FLT1: variants seen among roughly 807,000 people sequenced by gnomAD.
FLT1 encodes the protein fms related receptor tyrosine kinase 1, also known as vascular endothelial growth factor receptor 1.
In FLT1, 49 loss-of-function variants were observed where a neutral mutation model predicts 156.3. The observed-to-expected ratio is 0.31, with a 90% CI of 0.25 to 0.40. The LOEUF (loss-of-function observed/expected upper bound fraction) is 0.40. FLT1 is among the 10% of genes least tolerant of loss of function. FLT1 has a pLI of 1.00. For missense variants in FLT1, 1,322 were observed against 1,637.2 expected (o/e 0.81, Z 3.32); for synonymous variants, 594 against 583.8 (o/e 1.02, Z -0.25).
chr13:28,418,643 A>T (rs1876802112), intron 10 of FLT1, among the ~76,000 whole-genome samples: 1 of 152,180 alleles, frequency 6.6e-6, no homozygotes, highest in Non-Finnish European at 1.5e-5. Flanking sequence ...TGACGACTGC[A>T]GCCTCAACCT....
At chr13:28,438,397 G>A in intron 3 of FLT1, 52 bp from the exon 4 acceptor site, 2 of 1,419,162 alleles carry the variant, frequency 1.4e-6, no homozygotes, top group South Asian at 2.3e-5. Flanking sequence ...TGACATGCAA[G>A]CATCTAGACA....
chr13:28,458,448 G>C (rs1879390433), intron 3 of FLT1, among the ~76,000 whole-genome samples: 1 of 152,188 alleles, frequency 6.6e-6, no homozygotes, highest in Non-Finnish European at 1.5e-5. Context: ...ATTTTAGAGA[G>C]CCCCAGAAAT....
intron 13 of FLT1, chr13:28,387,739 C>T: frequency 9.5e-7 from 1 of 1,049,754 alleles, no homozygotes; most frequent in Non-Finnish European, 1.1e-6. Context: ...TCTTCACCTC[C>T]CTTCATACCC....
chr13:28,479,202 T>C (rs376374465), intron 1 of FLT1, among the ~76,000 whole-genome samples: 2 of 152,268 alleles, frequency 1.3e-5, no homozygotes, highest in East Asian at 3.9e-4. Flanking sequence ...GAGTGTGCAA[T>C]AAAGTTATCC....
Position 28,329,789 on chromosome 13 carries a change from C to T in FLT1, c.2594-61G>A, listed in dbSNP as rs61764364. On this transcript the variant is annotated intron_variant, in intron 18 of 29. Coordinates refer to ENST00000282397, the MANE Select transcript of FLT1 (RefSeq NM_002019.4). ...ACAATGGGGCTCCTTCCGCCGGAGG[C>T]GGCATTCTTGCCCTCCTTGTTTGTC... 8,896 of 1,389,390 alleles carry T rather than the reference C, an allele frequency of 6.4e-3. 41 individuals are homozygous for T. Among genetic ancestry groups the T allele is most frequent in the Non-Finnish European group, 7.9e-3 (7,771 of 987,998 alleles). The allele number at this position is 1,389,390 out of a possible 1,614,324, so 86.1% of individuals were successfully genotyped here.
At chr13:28,474,505 C>CACACACACACAGACACACAG (rs1555245752) in intron 1 of FLT1, among the ~76,000 whole-genome samples, 4 of 150,918 alleles carry the variant, frequency 2.7e-5, no homozygotes, top group Admixed American at 1.3e-4. Flanking sequence ...CACACACACA[C>CACACACACACAGACACACAG]ACACACACAC....
chr13:28,456,035 G>C (rs1302675157), intron 3 of FLT1, among the ~76,000 whole-genome samples: 1 of 152,200 alleles, frequency 6.6e-6, no homozygotes, highest in Non-Finnish European at 1.5e-5. Flanking sequence ...TGCAACACGA[G>C]ACAGCCACTT....
At chr13:28,410,778 T>C (rs1419836334) in intron 10 of FLT1, among the ~76,000 whole-genome samples, 1 of 152,236 alleles carries the variant, frequency 6.6e-6, no homozygotes, top group Non-Finnish European at 1.5e-5. Flanking sequence ...ATTATGATCC[T>C]TATTTCATAA....
chr13:28,339,422 G>T, intron 16 of FLT1, 122 bp from the exon 17 acceptor site: 1 of 1,003,846 alleles, frequency 1.0e-6, no homozygotes, highest in South Asian at 1.5e-5. Flanking sequence ...GCCAGGTGCA[G>T]AAAGTACTTC....
In FLT1 at chr13:28,427,691, A is replaced by G. The variant is rs935569385; in HGVS notation, c.1276+61T>C. 4 of 1,442,004 alleles carry G rather than the reference A, an allele frequency of 2.8e-6. No homozygotes were observed. In the African/African-American group the frequency reaches 4.2e-5, roughly 15 times the overall value. The allele number at this position is 1,442,004 out of a possible 1,614,324, so 89.3% of individuals were successfully genotyped here. A position where few individuals can be genotyped will look rare whatever the true frequency, so the allele number is the denominator to read the frequency against. ...TGTTGTTACGCTGATTTTTGAATTCATAAATGTTCACTAATTTGTTGCCTA... is the reference window on the plus strand; with the variant it reads ...TGTTGTTACGCTGATTTTTGAATTCGTAAATGTTCACTAATTTGTTGCCTA... On this transcript the variant is annotated intron_variant, in intron 9 of 29. Transcript: ENST00000282397.
chr13:28,324,350 T>G (rs1593681008), intron 20 of FLT1, among the ~76,000 whole-genome samples: 1 of 152,124 alleles, frequency 6.6e-6, no homozygotes, highest in Non-Finnish European at 1.5e-5. Flanking sequence ...CTTCCTGGGC[T>G]TTTCTAGAAA....
chr13:28,470,115 G>A (rs993856619), intron 1 of FLT1, among the ~76,000 whole-genome samples: 8 of 152,132 alleles, frequency 5.3e-5, no homozygotes, highest in African/African-American at 1.9e-4. Context: ...TAAATAAAAT[G>A]GCTGAATATT....
intron 10 of FLT1, among the ~76,000 whole-genome samples, chr13:28,412,344 TTCTTTCTC>T (rs1298956722): frequency 3.7e-4 from 27 of 73,494 alleles, no homozygotes; most frequent in African/African-American, 6.4e-4. Flanking sequence ...CTTTCTTTCT[TTCTTTCTC>T]TTTCTTTCTT....
At chr13:28,345,096 C>A (rs1266232889) in intron 16 of FLT1, among the ~76,000 whole-genome samples, 2 of 151,976 alleles carry the variant, frequency 1.3e-5, no homozygotes, top group African/African-American at 4.8e-5. Flanking sequence ...TACCACCGTG[C>A]CCAGTCTCCT....
chr13:28,460,159 C>T (rs1325524445), intron 3 of FLT1, among the ~76,000 whole-genome samples: 1 of 152,186 alleles, frequency 6.6e-6, no homozygotes, highest in Non-Finnish European at 1.5e-5. Context: ...CAAATTGTGT[C>T]AGATCTGGGA....
Position 28,471,464 on chromosome 13 carries a change from T to A in FLT1, c.65-3847A>T, listed in dbSNP as rs183083897. On this transcript the variant is annotated intron_variant, in intron 1 of 29. Transcript: ENST00000282397. ...AGGCAGTTTCATGTCCATGTACCTATCTGAGTAACAAAGATTCAACATTTG... is the reference window on the plus strand; with the variant it reads ...AGGCAGTTTCATGTCCATGTACCTAACTGAGTAACAAAGATTCAACATTTG... 8.5e-5 allele frequency among the ~76,000 whole-genome samples: 13 copies of A among 152,350 alleles called. No homozygotes were observed. In the East Asian group the frequency reaches 2.1e-3, roughly 25 times the overall value.
At chr13:28,485,454 A>C (rs1042733027) in intron 1 of FLT1, among the ~76,000 whole-genome samples, 1 of 152,002 alleles carries the variant, frequency 6.6e-6, no homozygotes, top group Non-Finnish European at 1.5e-5. Flanking sequence ...TTTATTTTTT[A>C]TTTATTTATT....
At chr13:28,410,452 C>G (rs1876095131) in intron 10 of FLT1, among the ~76,000 whole-genome samples, 1 of 152,206 alleles carries the variant, frequency 6.6e-6, no homozygotes, top group Non-Finnish European at 1.5e-5. Flanking sequence ...TGTTATGGTA[C>G]CCAAGACTCC....
intron 10 of FLT1, among the ~76,000 whole-genome samples, chr13:28,426,345 GC>G (rs757214361): frequency 7.2e-5 from 11 of 152,060 alleles, no homozygotes; most frequent in Non-Finnish European, 1.3e-4. Context: ...AGAGGAAAAA[GC>G]AAACAAGGCT....
Sources: gnomAD v4.1 joint callset for allele counts (sites outside exome capture counted in the v4.1 genomes callset) on GRCh38, gnomAD v4.1.1 for gene constraint, MANE v1.5 for transcripts, NCBI Gene and HGNC (gene_info 2026-07-23, HGNC 2026-07-21) for gene names.